MALRD1: variants seen among roughly 807,000 people sequenced by gnomAD.
MALRD1 encodes the protein MAM and LDL-receptor class A domain-containing protein 1.
Under a neutral mutation model 242.1 loss-of-function variants are expected in MALRD1, and 247 were observed. The observed-to-expected ratio is 1.02, with a 90% confidence interval of 0.92 to 1.13. The LOEUF (loss-of-function observed/expected upper bound fraction) is 1.13. MALRD1 is among the 50% of genes most tolerant of loss of function. The probability of loss-of-function intolerance (pLI) is 0.00; values close to 1 mark genes in which losing one functional copy is unlikely to be tolerated. For synonymous variants in MALRD1, 995 were observed against 866.6 expected (o/e 1.15, Z -2.60); for missense variants, 2,989 against 2,533.1 (o/e 1.18, Z -3.86).
chr10:19,111,957 G>A (rs1257562046), intron 5 of MALRD1, among the ~76,000 whole-genome samples: 1 of 152,138 alleles, frequency 6.6e-6, no homozygotes, highest in Non-Finnish European at 1.5e-5. Flanking sequence ...TGGCAGAAAT[G>A]TGAGAGATTG....
chr10:19,289,544 A>G (rs147848685), intron 21 of MALRD1, among the ~76,000 whole-genome samples: 2 of 152,306 alleles, frequency 1.3e-5, no homozygotes, highest in African/African-American at 4.8e-5. Flanking sequence ...TAAATCGTGG[A>G]GAAGGGAACA....
chr10:19,562,887 C>A (rs1836052248), intron 32 of MALRD1, among the ~76,000 whole-genome samples: 1 of 152,136 alleles, frequency 6.6e-6, no homozygotes, highest in South Asian at 2.1e-4. Flanking sequence ...TGAGGTGGAG[C>A]AGTTTCATTG....
chr10:19,114,456 G>T (rs1211990327), intron 5 of MALRD1, among the ~76,000 whole-genome samples: 2 of 152,066 alleles, frequency 1.3e-5, no homozygotes, highest in Non-Finnish European at 2.9e-5. Flanking sequence ...GGCCAACATG[G>T]TGAAACCCCA....
chr10:19,114,843 T>C (rs2131362242), intron 5 of MALRD1, among the ~76,000 whole-genome samples: 1 of 152,288 alleles, frequency 6.6e-6, no homozygotes, highest in Non-Finnish European at 1.5e-5. Flanking sequence ...TTGAGTTTTG[T>C]GTCCTTTCTT....
intron 5 of MALRD1, among the ~76,000 whole-genome samples, chr10:19,106,551 G>C (rs531419402): frequency 6.6e-6 from 1 of 150,902 alleles, no homozygotes; most frequent in Admixed American, 6.6e-5. Context: ...GCTATTGTTT[G>C]TCAATTTTGT....
intron 26 of MALRD1, among the ~76,000 whole-genome samples, chr10:19,359,758 A>T (rs985559156): frequency 1.8e-5 from 1 of 56,340 alleles, no homozygotes; most frequent in Non-Finnish European, 3.4e-5. Context: ...GATGAAGTAG[A>T]TGAAAAAAAA....
chr10:19,690,535 C>G (rs574405351), intron 36 of MALRD1, among the ~76,000 whole-genome samples: 4 of 152,054 alleles, frequency 2.6e-5, no homozygotes, highest in African/African-American at 9.6e-5. Flanking sequence ...CCAAATCTTT[C>G]TGTTATTTTT....
intron 6 of MALRD1, among the ~76,000 whole-genome samples, 158 bp from the exon 7 acceptor site, chr10:19,124,366 A>G (rs145986394): frequency 1.9e-3 from 291 of 152,302 alleles, no homozygotes; most frequent in South Asian, 0.019. Context: ...TTGCTGGTAC[A>G]CTCGAAGGCT....
At chr10:19,144,233 C>T (rs530390114) in intron 10 of MALRD1, among the ~76,000 whole-genome samples, 1 of 152,262 alleles carries the variant, frequency 6.6e-6, no homozygotes, top group East Asian at 1.9e-4. Flanking sequence ...GCTCAAGTCC[C>T]TGGAGAACTT....
At chr10:19,422,012 C>T (rs187179397) in intron 28 of MALRD1, among the ~76,000 whole-genome samples, 170 of 152,278 alleles carry the variant, frequency 1.1e-3, no homozygotes, top group African/African-American at 3.8e-3. Context: ...AATGAATGAT[C>T]CCAGTAATGA....
intron 5 of MALRD1, among the ~76,000 whole-genome samples, chr10:19,121,931 A>C (rs1275278600): frequency 6.6e-6 from 1 of 152,190 alleles, no homozygotes; most frequent in African/African-American, 2.4e-5. Context: ...AAAAGGAAAG[A>C]ATGAGGGTCA....
chr10:19,641,381 G>A (rs1389735730), intron 36 of MALRD1, among the ~76,000 whole-genome samples: 1 of 152,132 alleles, frequency 6.6e-6, no homozygotes, highest in Admixed American at 6.6e-5. Context: ...AGAAAAGAAT[G>A]CACTCTGAAA....
chr10:19,152,820 C>A (rs1010857210), intron 11 of MALRD1, among the ~76,000 whole-genome samples: 3 of 151,692 alleles, frequency 2.0e-5, no homozygotes, highest in African/African-American at 7.3e-5. Flanking sequence ...ATTTTATTTC[C>A]TTGACTTCTA....
At chr10:19,479,054 C>G (rs1024321231) in intron 29 of MALRD1, among the ~76,000 whole-genome samples, 2 of 152,160 alleles carry the variant, frequency 1.3e-5, no homozygotes, top group African/African-American at 2.4e-5. Flanking sequence ...GAAGCCAGCC[C>G]AAGCAATTTT....
At chr10:19,423,937 G>A (rs1249387315) in intron 28 of MALRD1, among the ~76,000 whole-genome samples, 1 of 152,070 alleles carries the variant, frequency 6.6e-6, no homozygotes, top group Non-Finnish European at 1.5e-5. Context: ...ATTTCATATG[G>A]ATCATTTATG....
At chr10:19,380,450 CTTTT>C (rs903828846) in intron 26 of MALRD1, among the ~76,000 whole-genome samples, 1 of 151,814 alleles carries the variant, frequency 6.6e-6, no homozygotes, top group African/African-American at 2.4e-5. Context: ...TTCAGTAGTT[CTTTT>C]GTTTCATTTT....
intron 15 of MALRD1, 63 bp from the exon 16 acceptor site, chr10:19,204,245 G>A: frequency 9.7e-7 from 1 of 1,035,906 alleles, no homozygotes; most frequent in Non-Finnish European, 1.4e-6. Flanking sequence ...TTAAGAGACA[G>A]ATGTCTCATT....
upstream of MALRD1, among the ~76,000 whole-genome samples, chr10:19,048,488 G>C (rs1176380858): frequency 6.6e-6 from 1 of 152,140 alleles, no homozygotes; most frequent in Admixed American, 6.5e-5. Context: ...ATATGTTTTA[G>C]TGTCCACAAT....
At chr10:19,372,199 A>G (rs1233620725) in intron 26 of MALRD1, among the ~76,000 whole-genome samples, 1 of 152,214 alleles carries the variant, frequency 6.6e-6, no homozygotes, top group Non-Finnish European at 1.5e-5. Flanking sequence ...AGTTATAGTA[A>G]TATGAACAAT....
Sources: allele counts gnomAD v4.1 joint callset (sites outside exome capture counted in the v4.1 genomes callset), GRCh38; gene constraint gnomAD v4.1.1; transcripts MANE v1.5; gene names NCBI Gene and HGNC (gene_info 2026-07-23, HGNC 2026-07-21).